MTO1: variants seen among roughly 807,000 people sequenced by gnomAD.
MTO1 encodes 5-taurinomethyluridine-[tRNA] synthase subunit MTO1, mitochondrial.
A neutral mutation model predicts 71.6 loss-of-function variants in MTO1; 46 were observed. The ratio of observed to expected loss-of-function variants is 0.64; its 90% CI spans 0.51 to 0.82. The LOEUF (loss-of-function observed/expected upper bound fraction) is 0.82, where lower values mean the gene tolerates loss of function less well. MTO1 is among the 40% of genes least tolerant of loss of function. The probability of loss-of-function intolerance (pLI) is 0.00; values close to 1 mark genes in which losing one functional copy is unlikely to be tolerated. For missense variants in MTO1, 773 were observed against 867.5 expected (o/e 0.89, Z 1.37); for synonymous variants, 297 against 312.1 (o/e 0.95, Z 0.51).
At chr6:73,491,266 G>GA (rs11315438) in intron 9 of MTO1, among the ~76,000 whole-genome samples, 81 of 146,054 alleles carry the variant, frequency 5.5e-4, no homozygotes, top group African/African-American at 1.9e-3. Flanking sequence ...ACCAAATTAG[G>GA]AAAAAAAAAA....
In MTO1 at chr6:73,480,086, ATGCATCAGAGGCT is replaced by A; in HGVS notation, c.1092_1104del (p.Cys364TrpfsTer6). 1 of 1,614,166 alleles carries A rather than the reference ATGCATCAGAGGCT, an allele frequency of 6.2e-7. No individual in the cohort carries two copies. On this transcript the variant is annotated frameshift_variant, in exon 6 of 12. Coordinates refer to ENST00000498286, the MANE Select transcript of MTO1 (RefSeq NM_012123.4). LOFTEE classifies it high-confidence loss of function. ...CTGAGTTACAAGAGAAAATGATCAC[ATGCATCAGAGGCT>A]TGGAGAAAGCTAAAGTGATTCAGCC...
intron 4 of MTO1, among the ~76,000 whole-genome samples, chr6:73,475,273 T>TTTTTG (rs1363329790): frequency 5.9e-5 from 9 of 151,382 alleles, no homozygotes; most frequent in Admixed American, 1.3e-4. Context: ...AAATAGGCGT[T>TTTTTG]TTTTGTTTTG....
rs1430278570 is a variant in MTO1 at position 73,509,207 on chromosome 6, A to G, written c.*8472A>G. On this transcript the variant is annotated 3_prime_UTR_variant, in exon 12 of 12. Transcript: ENST00000498286. ...ACACAATCTTCTATACGCTTTTTTC[A>G]CTGGAATAAATGAAACTGCTTACTT... is the stretch of plus-strand genomic sequence containing the variant. The G allele has an allele frequency of 6.6e-6, 1 of 152,196 alleles. No individual in the cohort carries two copies. The highest frequency in any genetic ancestry group is 1.5e-5 in the Non-Finnish European group (1 of 68,024). 9.4% of individuals were successfully genotyped at this position (152,196 alleles called of 1,614,324 possible).
At chr6:73,475,600 C>T (rs1250370537) in intron 4 of MTO1, among the ~76,000 whole-genome samples, 2 of 151,860 alleles carry the variant, frequency 1.3e-5, no homozygotes, top group Non-Finnish European at 2.9e-5. Flanking sequence ...CTGCAACATC[C>T]ACCTCACGGG....
chr6:73,466,500 G>C lies in MTO1; in HGVS notation c.429G>C (p.Leu143Phe). ...LYKQNMQKEI[L>F]NTPLLTVQEG... ...TTTTCTTTTGACAGAAAGAAATCTTGAATACACCACTGCTTACTGTTCAGG... is the reference window on the plus strand; with the variant it reads ...TTTTCTTTTGACAGAAAGAAATCTTCAATACACCACTGCTTACTGTTCAGG... The change falls in exon 3 of 12, where the codon TTG becomes TTC. Residue 143 changes from leucine to phenylalanine, a missense_variant. Transcript: ENST00000498286. 6.2e-7 allele frequency: 1 copy of C among 1,614,100 alleles called. No homozygotes were observed. The highest frequency in any genetic ancestry group is 8.5e-7 in the Non-Finnish European group (1 of 1,179,988).
At chr6:73,482,009 T>C in intron 7 of MTO1, 31 bp from the exon 8 acceptor site, 1 of 1,612,686 alleles carries the variant, frequency 6.2e-7, no homozygotes, top group Non-Finnish European at 8.5e-7. Flanking sequence ...TAGTTCATAA[T>C]GGCCTTTTAA....
chr6:73,494,928 C>T (rs140523540), intron 10 of MTO1, among the ~76,000 whole-genome samples: 163 of 151,992 alleles, frequency 1.1e-3, no homozygotes, highest in Non-Finnish European at 1.5e-3. Flanking sequence ...TATAGGCGCG[C>T]ACCACCACAC....
intron 10 of MTO1, among the ~76,000 whole-genome samples, chr6:73,494,727 C>T (rs1476987413): frequency 2.0e-5 from 3 of 150,650 alleles, no homozygotes; most frequent in South Asian, 2.1e-4. Context: ...CCACCCGCCT[C>T]GGCCTCCCAA....
chr6:73,484,587 C>A (rs2150038643), intron 9 of MTO1, among the ~76,000 whole-genome samples: 1 of 152,284 alleles, frequency 6.6e-6, no homozygotes, highest in Middle Eastern at 3.4e-3. Flanking sequence ...GTGGGGGATA[C>A]TACCAACATT....
rs549158377 is a variant in MTO1, at chr6:73,492,249, G to C, written c.1653G>C (p.Leu551=). 5.0e-6 allele frequency: 8 copies of C among 1,612,092 alleles called. No homozygotes were observed. The highest frequency in any genetic ancestry group is 6.8e-6 in the Non-Finnish European group (8 of 1,178,400). Residue 551 remains leucine, a synonymous_variant, in exon 10 of 12, where the codon CTG becomes CTC. Transcript: ENST00000498286. The part of the protein sequence containing the change: ...RSLPVRALDV[L]KYEEVDMDSL... Reference sequence around the variant, plus strand: ...ATATTTGCAGAGCTCTCGATGTTCTGAAGTATGAGGAAGTTGACATGGATT... The same window carrying C: ...ATATTTGCAGAGCTCTCGATGTTCTCAAGTATGAGGAAGTTGACATGGATT...
chr6:73,468,658 A>G (rs568084042), intron 3 of MTO1, among the ~76,000 whole-genome samples: 56 of 151,818 alleles, frequency 3.7e-4, no homozygotes, highest in African/African-American at 1.3e-3. Flanking sequence ...CCCAGGCTAG[A>G]GTGCAGTGGT....
chr6:73,492,995 T>TGTGTA (rs540252865), intron 10 of MTO1, among the ~76,000 whole-genome samples: 1,480 of 73,308 alleles, frequency 0.02, 19 homozygotes, highest in East Asian at 0.048. Flanking sequence ...TGTGTGTGTA[T>TGTGTA]TTTTTTTTTT....
Position 73,482,054 on chromosome 6 carries a change from A to T in MTO1, c.1275A>T (p.Gly425=). 1 of 1,614,138 alleles carries T rather than the reference A, an allele frequency of 6.2e-7. No homozygotes were observed. Among genetic ancestry groups the T allele is most frequent in the Non-Finnish European group, 8.5e-7 (1 of 1,180,028 alleles). The change falls in exon 8 of 12, where the codon GGA becomes GGT. Residue 425 remains glycine, a synonymous_variant. Coordinates refer to ENST00000498286, the MANE Select transcript of MTO1 (RefSeq NM_012123.4). ...TGCTCTTGTAGGGTGTGATAGCCGGAATCAACGCCAGTCTTCGGGTCAGTC... is the reference window on the plus strand; with the variant it reads ...TGCTCTTGTAGGGTGTGATAGCCGGTATCAACGCCAGTCTTCGGGTCAGTC... The part of the protein sequence containing the change: ...EEAAAQGVIA[G]INASLRVSRK...
At chr6:73,471,505 C>T (rs1397095908) in intron 3 of MTO1, 3 of 447,366 alleles carry the variant, frequency 6.7e-6, no homozygotes, top group Non-Finnish European at 1.3e-5. Flanking sequence ...GCCTCGACCA[C>T]CTGGACCCAA....
rs763840370 is a variant in MTO1 at position 73,480,098 on chromosome 6, C to T, written c.1101C>T (p.Gly367=). The T allele has an allele frequency of 5.6e-6, 9 of 1,613,876 alleles. No homozygotes were observed. The highest frequency in any genetic ancestry group is 2.2e-5 in the South Asian group (2 of 91,052). ...AGAAAATGATCACATGCATCAGAGG[C>T]TTGGAGAAAGCTAAAGTGATTCAGC... The part of the protein sequence containing the change: ...LQEKMITCIR[G]LEKAKVIQPG... Residue 367 remains glycine, a synonymous_variant, in exon 6 of 12, where the codon GGC becomes GGT. Transcript: ENST00000498286.
intron 6 of MTO1, chr6:73,480,450 A>G (rs1312535742): frequency 1.7e-6 from 1 of 590,586 alleles, no homozygotes; most frequent in Non-Finnish European, 3.1e-6. Context: ...TTGTATTTTT[A>G]GTAGAGACAG....
chr6:73,494,480 T>TC (rs1491306571), intron 10 of MTO1, among the ~76,000 whole-genome samples: 1 of 90,072 alleles, frequency 1.1e-5, no homozygotes, highest in East Asian at 3.4e-4. Flanking sequence ...TTTTTTTTTC[T>TC]TTTTTTTTTT....
intron 4 of MTO1, among the ~76,000 whole-genome samples, chr6:73,475,222 C>CA (rs1771276013): frequency 6.6e-6 from 1 of 152,004 alleles, no homozygotes; most frequent in Non-Finnish European, 1.5e-5. Flanking sequence ...CTCAGCCTCT[C>CA]AAAGTGCTGG....
At chr6:73,469,176 CA>C (rs1322253761) in intron 3 of MTO1, among the ~76,000 whole-genome samples, 2 of 151,968 alleles carry the variant, frequency 1.3e-5, no homozygotes, top group Non-Finnish European at 2.9e-5. Flanking sequence ...AGCTTATTTT[CA>C]ATTTTTTTGG....
Sources: gnomAD v4.1 joint callset for allele counts (sites outside exome capture counted in the v4.1 genomes callset) on GRCh38, gnomAD v4.1.1 for gene constraint, MANE v1.5 for transcripts, NCBI Gene and HGNC (gene_info 2026-07-23, HGNC 2026-07-21) for gene names.